Variants in LONP2 observed in about 807,000 individuals in gnomAD.
LONP2 encodes lon protease homolog 2, peroxisomal.
LONP2 carries 60 observed loss-of-function variants against 85.6 expected under a neutral mutation model. The ratio of observed to expected loss-of-function variants is 0.70; its 90% CI spans 0.57 to 0.87. The LOEUF (loss-of-function observed/expected upper bound fraction) is 0.87, where lower values mean the gene tolerates loss of function less well. LONP2 is among the 40% of genes least tolerant of loss of function. LONP2 has a pLI of 0.00. For missense variants in LONP2, 860 were observed against 1,063.5 expected, an observed-to-expected ratio of 0.81 and a Z score of 2.66; for synonymous variants, 395 against 389.7, an observed-to-expected ratio of 1.01 and a Z score of -0.16.
At chr16:48,361,911 G>T, downstream of LONP2, 1 of 1,614,134 alleles carries the variant, frequency 6.2e-7, no homozygotes, top group Non-Finnish European at 8.5e-7. Flanking sequence ...AACAGCACCA[G>T]GAAGATTAAT....
chr16:48,330,778 G>T (rs949960677), intron 11 of LONP2, among the ~76,000 whole-genome samples: 1 of 152,076 alleles, frequency 6.6e-6, no homozygotes, highest in African/African-American at 2.4e-5. Context: ...TTCTAATGAT[G>T]GAACATTTTG....
At chr16:48,360,490 C>T (rs928351780), downstream of LONP2, 2 of 152,602 alleles carry the variant, frequency 1.3e-5, no homozygotes, top group African/African-American at 4.8e-5. Context: ...AAAATAACTT[C>T]GGATTTTATC....
downstream of LONP2, chr16:48,361,431 T>A: frequency 2.9e-6 from 2 of 699,304 alleles, no homozygotes; most frequent in East Asian, 5.4e-5. Flanking sequence ...TGCAACTGTT[T>A]CCTGTATTTA....
intron 12 of LONP2, among the ~76,000 whole-genome samples, chr16:48,337,608 C>A (rs1343384838): frequency 6.6e-6 from 1 of 152,042 alleles, no homozygotes; most frequent in East Asian, 1.9e-4. Context: ...ACATCACAGG[C>A]AACCTGAGCA....
At chr16:48,323,530 C>T (rs1005541895) in intron 11 of LONP2, among the ~76,000 whole-genome samples, 4 of 151,976 alleles carry the variant, frequency 2.6e-5, no homozygotes, top group Non-Finnish European at 5.9e-5. Flanking sequence ...GTGGTGCACA[C>T]GCCTGTTGTC....
rs148318010 is a variant in LONP2 at position 48,303,824 on chromosome 16, C to T, written c.1795+519C>T. ...GTTGAAGAACTTCGAGTCCAATATTCGAGGGCAAGAAGCATCCAGCACGGG... is the reference window on the plus strand; with the variant it reads ...GTTGAAGAACTTCGAGTCCAATATTTGAGGGCAAGAAGCATCCAGCACGGG... On this transcript the variant is annotated intron_variant, in intron 11 of 14. Coordinates refer to ENST00000285737, the MANE Select transcript of LONP2 (RefSeq NM_031490.5). 3.5e-3 allele frequency among the ~76,000 whole-genome samples: 531 copies of T among 152,230 alleles called. 3 individuals carry two copies. The highest frequency in any genetic ancestry group is 9.1e-3 in the South Asian group (44 of 4,820).
At chr16:48,320,484 GTGT>G (rs993332866) in intron 11 of LONP2, among the ~76,000 whole-genome samples, 4 of 151,858 alleles carry the variant, frequency 2.6e-5, no homozygotes, top group African/African-American at 4.8e-5. Flanking sequence ...GGGGTTTGTA[GTGT>G]TGTTAGAGCT....
intron 1 of LONP2, among the ~76,000 whole-genome samples, chr16:48,248,267 A>G (rs185152802): frequency 6.7e-6 from 1 of 148,400 alleles, no homozygotes; most frequent in African/African-American, 2.5e-5. Context: ...GATTACAGGC[A>G]TGTGCCACAA....
chr16:48,250,053 G>A (rs751534566), intron 1 of LONP2, among the ~76,000 whole-genome samples: 6 of 152,040 alleles, frequency 3.9e-5, no homozygotes, highest in African/African-American at 7.2e-5. Flanking sequence ...TTAGCTGGGC[G>A]TGGTGGTGTG....
At chr16:48,301,589 C>T (rs983779324) in intron 10 of LONP2, among the ~76,000 whole-genome samples, 2 of 148,834 alleles carry the variant, frequency 1.3e-5, no homozygotes. Context: ...GAGTTGAGAT[C>T]GTGCCACTGC....
chr16:48,306,577 T>C (rs762441451), intron 11 of LONP2, among the ~76,000 whole-genome samples: 1 of 152,176 alleles, frequency 6.6e-6, no homozygotes, highest in Non-Finnish European at 1.5e-5. Flanking sequence ...TTGGAGACGA[T>C]TTTGGGTGTA....
intron 6 of LONP2, among the ~76,000 whole-genome samples, chr16:48,266,519 G>T (rs1423388786): frequency 6.6e-6 from 1 of 151,238 alleles, no homozygotes; most frequent in African/African-American, 2.4e-5. Context: ...CTTCTTCCCC[G>T]CCCCTTTCCT....
At chr16:48,332,985 T>C (rs1217928418) in intron 11 of LONP2, among the ~76,000 whole-genome samples, 2 of 152,124 alleles carry the variant, frequency 1.3e-5, no homozygotes, top group African/African-American at 4.8e-5. Flanking sequence ...AAGCAATCAC[T>C]TTCAGAAGGA....
At chr16:48,261,357 T>G in intron 4 of LONP2, 67 bp from the exon 5 acceptor site, 1 of 1,159,710 alleles carries the variant, frequency 8.6e-7, no homozygotes, top group East Asian at 2.5e-5. Context: ...TAATCTTATG[T>G]GTACCTGGGT....
intron 1 of LONP2, among the ~76,000 whole-genome samples, chr16:48,246,603 T>C (rs1018650981): frequency 6.6e-6 from 1 of 152,162 alleles, no homozygotes; most frequent in African/African-American, 2.4e-5. Context: ...CAGAGTCTCA[T>C]TCTGTCTCCT....
downstream of LONP2, chr16:48,361,355 G>A (rs1960586071): frequency 5.9e-6 from 3 of 504,726 alleles, no homozygotes; most frequent in Admixed American, 3.5e-5. Context: ...CATCTTGGGT[G>A]TATATACATA....
chr16:48,276,919 C>T (rs1016915883), intron 7 of LONP2, among the ~76,000 whole-genome samples: 2 of 151,920 alleles, frequency 1.3e-5, no homozygotes, highest in Non-Finnish European at 2.9e-5. Context: ...TTTAGCTGGC[C>T]CAGGGGCAGC....
chr16:48,256,508 A>G (rs1253919795), intron 2 of LONP2, 102 bp from the exon 3 acceptor site: 1 of 1,260,474 alleles, frequency 7.9e-7, no homozygotes. Context: ...TTTCAAAAAC[A>G]AAGACTGAGG....
chr16:48,297,816 C>T (rs1325572143), intron 9 of LONP2, among the ~76,000 whole-genome samples: 1 of 152,062 alleles, frequency 6.6e-6, no homozygotes. Context: ...TCTCTTGCCT[C>T]AGCCTCACAA....
Sources: allele counts gnomAD v4.1 joint callset (sites outside exome capture counted in the v4.1 genomes callset), GRCh38; gene constraint gnomAD v4.1.1; transcripts MANE v1.5; gene names NCBI Gene and HGNC (gene_info 2026-07-23, HGNC 2026-07-21).